Variants in FHIT observed in about 807,000 individuals in gnomAD.
FHIT encodes bis(5'-adenosyl)-triphosphatase.
Under a neutral mutation model 17.9 loss-of-function variants are expected in FHIT, and 19 were observed. That is an observed-to-expected ratio of 1.06 (90% confidence interval 0.74 to 1.56). The LOEUF is 1.56. Ranked by LOEUF, FHIT falls within the 40% of genes most tolerant of loss-of-function variation. The probability of loss-of-function intolerance (pLI) is 0.00; values close to 1 mark genes in which losing one functional copy is unlikely to be tolerated. For missense variants in FHIT, 248 were observed against 189.2 expected (o/e 1.31, Z -1.82); for synonymous variants, 81 against 69.7 (o/e 1.16, Z -0.81).
chr3:61,220,164 G>A (rs10510864), intron 1 of FHIT, among the ~76,000 whole-genome samples: 11,376 of 152,110 alleles, frequency 0.075, 1,096 homozygotes, highest in East Asian at 0.4. Flanking sequence ...TTTATGCTAC[G>A]TTCAGTGAGC....
intron 8 of FHIT, among the ~76,000 whole-genome samples, chr3:59,824,723 T>A (rs1341571252): frequency 6.6e-6 from 1 of 152,200 alleles, no homozygotes; most frequent in African/African-American, 2.4e-5. Context: ...ATGTGGTGAG[T>A]ACATCAATAT....
intron 4 of FHIT, among the ~76,000 whole-genome samples, chr3:60,634,982 G>A (rs111261886): frequency 0.013 from 2,036 of 152,078 alleles, 56 homozygotes; most frequent in African/African-American, 0.047. Context: ...AGCAATCCTC[G>A]CACCTCAGCC....
chr3:60,496,864 C>A (rs2034320896), intron 5 of FHIT, among the ~76,000 whole-genome samples: 1 of 152,014 alleles, frequency 6.6e-6, no homozygotes, highest in Non-Finnish European at 1.5e-5. Flanking sequence ...GTAAAAGAAA[C>A]TGATTATGTA....
At chr3:60,760,255 G>C (rs572052951) in intron 4 of FHIT, among the ~76,000 whole-genome samples, 2 of 152,144 alleles carry the variant, frequency 1.3e-5, no homozygotes, top group Non-Finnish European at 2.9e-5. Context: ...TGAGGTTCAC[G>C]GCACCATGAA....
intron 5 of FHIT, among the ~76,000 whole-genome samples, chr3:60,031,292 G>A (rs1700989772): frequency 6.6e-6 from 1 of 152,144 alleles, no homozygotes; most frequent in Admixed American, 6.5e-5. Context: ...ACAGCCTATA[G>A]CACATTCACA....
rs1285788546 is a variant in FHIT, at chr3:59,747,973, C to G, written c.*1612G>C. Among the ~76,000 whole-genome samples, 1 of 152,112 alleles carries G rather than the reference C, an allele frequency of 6.6e-6. No individual in the cohort carries two copies. Among genetic ancestry groups the G allele is most frequent in the Non-Finnish European group, 1.5e-5 (1 of 68,024 alleles). ...ACATTGAATCTCTCAGTAGGTTATT[C>G]TCTTTAATCCTTCTGAATATGCCAA... On this transcript the variant is annotated 3_prime_UTR_variant, in exon 10 of 10. Transcript: ENST00000492590.
At chr3:59,903,325 TG>T (rs1202444786) in intron 8 of FHIT, among the ~76,000 whole-genome samples, 5 of 152,238 alleles carry the variant, frequency 3.3e-5, no homozygotes, top group African/African-American at 1.2e-4. Flanking sequence ...GGGTTTCTTT[TG>T]GGGGTGATGA....
chr3:60,156,788 T>A (rs1332935408), intron 5 of FHIT, among the ~76,000 whole-genome samples: 1 of 152,138 alleles, frequency 6.6e-6, no homozygotes, highest in Non-Finnish European at 1.5e-5. Context: ...TTTGAGGATT[T>A]TATTTCAATA....
At chr3:60,657,400 T>C (rs1156477528) in intron 4 of FHIT, among the ~76,000 whole-genome samples, 2 of 152,286 alleles carry the variant, frequency 1.3e-5, no homozygotes, top group East Asian at 1.9e-4. Flanking sequence ...TGACCTCAAA[T>C]GGGAGGTTGT....
chr3:59,824,368 A>G (rs1180087527), intron 8 of FHIT, among the ~76,000 whole-genome samples: 1 of 152,252 alleles, frequency 6.6e-6, no homozygotes, highest in African/African-American at 2.4e-5. Context: ...TCTTACATGC[A>G]CTGGCTTGGC....
chr3:60,296,248 G>C (rs1298672543), intron 5 of FHIT, among the ~76,000 whole-genome samples: 1 of 152,064 alleles, frequency 6.6e-6, no homozygotes, highest in Non-Finnish European at 1.5e-5. Flanking sequence ...AAGAAGAGGA[G>C]GAACAGGGAA....
rs537149867 is a variant in FHIT, at chr3:59,839,036, G to A, written c.348+83310C>T. On this transcript the variant is annotated intron_variant, in intron 8 of 9. Transcript: ENST00000492590. The stretch of plus-strand genomic sequence containing the variant: ...AATAAGAAAACCATCTCATCTCCCA[G>A]CTGGGCGCGGTAGCTCATGTCCCCA... 2.0e-5 allele frequency among the ~76,000 whole-genome samples: 3 copies of A among 152,278 alleles called. No homozygotes were observed. The East Asian group carries it at 5.8e-4, about 29-fold the overall frequency.
chr3:60,728,603 A>T (rs1223658041), intron 4 of FHIT, among the ~76,000 whole-genome samples: 1 of 151,816 alleles, frequency 6.6e-6, no homozygotes, highest in Non-Finnish European at 1.5e-5. Context: ...TTTAAAAAAA[A>T]TTGTTTATTG....
At chr3:60,892,748 T>A (rs1553760979) in intron 3 of FHIT, among the ~76,000 whole-genome samples, 1 of 152,206 alleles carries the variant, frequency 6.6e-6, no homozygotes, top group African/African-American at 2.4e-5. Flanking sequence ...AATTCTGCCA[T>A]CTAGGAGAAT....
chr3:61,107,270 C>T (rs895032437), intron 2 of FHIT, among the ~76,000 whole-genome samples: 1 of 152,104 alleles, frequency 6.6e-6, no homozygotes, highest in African/African-American at 2.4e-5. Flanking sequence ...ATAATGTCCT[C>T]CAGTTTCACC....
At chr3:60,394,540 ATGGTTAAGGACAC>A (rs1427097932) in intron 5 of FHIT, among the ~76,000 whole-genome samples, 2 of 152,130 alleles carry the variant, frequency 1.3e-5, no homozygotes, top group Admixed American at 6.6e-5. Context: ...GTGGAGAGCC[ATGGTTAAGGACAC>A]AGGTACCTGC....
At chr3:60,183,325 G>A (rs903444917) in intron 5 of FHIT, among the ~76,000 whole-genome samples, 7 of 152,170 alleles carry the variant, frequency 4.6e-5, no homozygotes, top group Non-Finnish European at 7.3e-5. Context: ...TTGAACCCAG[G>A]AGGCAGAGGT....
intron 5 of FHIT, among the ~76,000 whole-genome samples, chr3:60,151,756 G>A (rs1056787493): frequency 5.3e-5 from 8 of 151,938 alleles, no homozygotes; most frequent in African/African-American, 1.7e-4. Context: ...TACTTCCAAG[G>A]TCTCCCTTTT....
At chr3:60,129,521 T>C (rs979818833) in intron 5 of FHIT, among the ~76,000 whole-genome samples, 1 of 152,210 alleles carries the variant, frequency 6.6e-6, no homozygotes, top group Non-Finnish European at 1.5e-5. Context: ...AGACTACATG[T>C]TGATGTTCTG....
Sources: allele counts gnomAD v4.1 joint callset (sites outside exome capture counted in the v4.1 genomes callset), GRCh38; gene constraint gnomAD v4.1.1; transcripts MANE v1.5; gene names NCBI Gene and HGNC (gene_info 2026-07-23, HGNC 2026-07-21).